Variants in CCDC88C observed in about 807,000 individuals in gnomAD.
The protein encoded by CCDC88C is protein Daple.
CCDC88C carries 131 observed loss-of-function variants against 198.8 expected under a neutral mutation model. The ratio of observed to expected loss-of-function variants is 0.66; its 90% CI spans 0.57 to 0.76. CCDC88C has a LOEUF of 0.76. Among genes scored for constraint, CCDC88C ranks in the 30% least tolerant of loss-of-function variants. The pLI is 0.00. For missense variants in CCDC88C, 2,553 were observed against 2,631.6 expected (o/e 0.97, Z 0.65); for synonymous variants, 1,166 against 1,114.7 (o/e 1.05, Z -0.92).
chr14:91,356,997 C>A (rs191971964), intron 4 of CCDC88C, among the ~76,000 whole-genome samples: 6 of 152,246 alleles, frequency 3.9e-5, no homozygotes, highest in Non-Finnish European at 8.8e-5. Context: ...CAACCATATG[C>A]CATTTTTATA....
Position 91,322,904 on chromosome 14 carries a change from CT to C in CCDC88C, c.1343-1601del, listed in dbSNP as rs35728972. 6.3e-3 allele frequency among the ~76,000 whole-genome samples: 807 copies of C among 127,506 alleles called. 6 individuals are homozygous for C. Among genetic ancestry groups the C allele is most frequent in the African/African-American group, 0.02 (697 of 34,382 alleles). The allele number at this position is 127,506 out of a possible 152,430, so 83.6% of individuals were successfully genotyped here. A position where few individuals can be genotyped will look rare whatever the true frequency, so the allele number is the denominator to read the frequency against. ...TTACTACTAAAACGCCAGTGTTTCT[CT>C]TTTTTTTTTTTTTTTTTTGAGACAG... On this transcript the variant is annotated intron_variant, in intron 12 of 29. Transcript: ENST00000389857.
rs1233403721 is a variant in CCDC88C, at chr14:91,371,582, C to T, written c.271-11871G>A. On this transcript the variant is annotated intron_variant, in intron 3 of 29. Transcript: ENST00000389857. The surrounding 1 kb of genome is among the most constrained non-coding windows in gnomAD (Gnocchi z 4.2). Reference sequence around the variant, plus strand: ...CACAGACTGGGACCAAGACTGCCTCCCACACCCTCCAGTCAGGGGTGGCTC... The same window carrying T: ...CACAGACTGGGACCAAGACTGCCTCTCACACCCTCCAGTCAGGGGTGGCTC... 6.6e-6 allele frequency among the ~76,000 whole-genome samples: 1 copy of T among 152,146 alleles called. No homozygotes were observed. The highest frequency in any genetic ancestry group is 1.5e-5 in the Non-Finnish European group (1 of 68,002).
intron 10 of CCDC88C, among the ~76,000 whole-genome samples, chr14:91,335,552 G>A (rs1466524229): frequency 6.6e-6 from 1 of 152,120 alleles, no homozygotes; most frequent in Admixed American, 6.5e-5. Context: ...GCCATGTTTG[G>A]GTGAGGCGCC....
At chr14:91,294,074 C>CA in intron 23 of CCDC88C, 99 bp downstream of exon 23, 1 of 1,414,514 alleles carries the variant, frequency 7.1e-7, no homozygotes, top group Middle Eastern at 2.3e-4. Flanking sequence ...CCAACGGGCC[C>CA]AGGGGCTCCT....
At chr14:91,292,234 C>T (rs1296937576) in intron 23 of CCDC88C, among the ~76,000 whole-genome samples, 1 of 152,198 alleles carries the variant, frequency 6.6e-6, no homozygotes, top group East Asian at 1.9e-4. Context: ...TGCTGCTGAG[C>T]CTTAAGCCTT....
intron 27 of CCDC88C, among the ~76,000 whole-genome samples, chr14:91,280,914 G>T (rs933506247): frequency 6.6e-6 from 1 of 152,104 alleles, no homozygotes; most frequent in Admixed American, 6.5e-5. Flanking sequence ...AAACTTCAAG[G>T]GGTCTTTTTA....
chr14:91,390,285 G>A (rs550521967), intron 3 of CCDC88C, among the ~76,000 whole-genome samples: 6 of 152,166 alleles, frequency 3.9e-5, no homozygotes, highest in East Asian at 3.9e-4. Context: ...ATTTAAGCAC[G>A]GCGTCTGGCA....
intron 20 of CCDC88C, among the ~76,000 whole-genome samples, chr14:91,301,479 G>A (rs750983119): frequency 6.6e-6 from 1 of 152,238 alleles, no homozygotes; most frequent in Non-Finnish European, 1.5e-5. Context: ...ATTTTGGGAG[G>A]CCGAGACAGG....
chr14:91,387,480 AG>A (rs1484230300), intron 3 of CCDC88C, among the ~76,000 whole-genome samples: 2 of 152,224 alleles, frequency 1.3e-5, no homozygotes, highest in East Asian at 1.9e-4. Flanking sequence ...GCTCCCAGGA[AG>A]GCAATGACAG....
intron 20 of CCDC88C, among the ~76,000 whole-genome samples, chr14:91,301,482 G>A (rs1363810740): frequency 7.9e-5 from 12 of 152,236 alleles, no homozygotes; most frequent in African/African-American, 1.4e-4. Flanking sequence ...TTGGGAGGCC[G>A]AGACAGGTGG....
chr14:91,305,236 C>G (rs1891509772), intron 19 of CCDC88C, among the ~76,000 whole-genome samples: 1 of 152,130 alleles, frequency 6.6e-6, no homozygotes, highest in African/African-American at 2.4e-5. Context: ...TAATTTATTT[C>G]CCCACAGTCT....
intron 4 of CCDC88C, among the ~76,000 whole-genome samples, chr14:91,349,808 G>A (rs1303452821): frequency 6.6e-6 from 1 of 152,186 alleles, no homozygotes; most frequent in African/African-American, 2.4e-5. Context: ...AAACAAAAGG[G>A]AAACTGCCTG....
chr14:91,298,701 G>A (rs1891135841), intron 21 of CCDC88C, among the ~76,000 whole-genome samples: 1 of 152,176 alleles, frequency 6.6e-6, no homozygotes, highest in Non-Finnish European at 1.5e-5. Flanking sequence ...CCTTTTAGAC[G>A]ATGTGCATTC....
intron 3 of CCDC88C, among the ~76,000 whole-genome samples, chr14:91,362,148 T>C (rs1894333983): frequency 6.6e-6 from 1 of 151,072 alleles, no homozygotes; most frequent in Non-Finnish European, 1.5e-5. Flanking sequence ...GCAGGAGAAT[T>C]GCTTGAACCC....
In CCDC88C at chr14:91,307,104, G is replaced by A. The variant is rs371072936; in HGVS notation, c.3129C>T (p.Pro1043=). 1.7e-5 allele frequency: 27 copies of A among 1,613,732 alleles called. No individual in the cohort carries two copies. The African/African-American group carries it at 2.1e-4, about 13-fold the overall frequency. The change falls in exon 18 of 30, where the codon CCC becomes CCT. Residue 1043 remains proline (P), a synonymous_variant. Transcript: ENST00000389857. ...GCTCCATGGTGGCTTCCTTATGGCC[G>A]GGCCCCCAGGCCTCCTTCCCCTGGT... ...ASHQGKEAWG[P]GHKEATMELL... is the part of the protein sequence containing the mutation.
Position 91,342,422 on chromosome 14 carries a change from C to T in CCDC88C, c.441G>A (p.Leu147=). 3 of 1,599,178 alleles carry T rather than the reference C, an allele frequency of 1.9e-6. No homozygotes were observed. The highest frequency in any genetic ancestry group is 2.6e-6 in the Non-Finnish European group (3 of 1,172,902). ...CGATGCCAGCCTGGGTCTCAATGTC[C>T]AGCTGTTTGATTCTTTCAATGAACT... ...KEEFIERIKQ[L]DIETQAGIVA... Residue 147 remains leucine, a synonymous_variant, in exon 6 of 30, where the codon CTG becomes CTA. Transcript: ENST00000389857.
intron 3 of CCDC88C, among the ~76,000 whole-genome samples, chr14:91,393,833 G>A (rs1411062727): frequency 6.6e-6 from 1 of 152,266 alleles, no homozygotes; most frequent in Non-Finnish European, 1.5e-5. Flanking sequence ...CAGCCTGGGC[G>A]ACAGAGCGAG....
intron 1 of CCDC88C, 127 bp from the exon 2 acceptor site, chr14:91,416,965 AC>A (rs34905461): frequency 1.4e-6 from 1 of 695,618 alleles, no homozygotes; most frequent in Non-Finnish European, 2.6e-6. Context: ...CGCCCACACC[AC>A]CCTTCAGCAG....
At chr14:91,321,493 C>T (rs945971987) in intron 12 of CCDC88C, among the ~76,000 whole-genome samples, 189 bp from the exon 13 acceptor site, 3 of 152,222 alleles carry the variant, frequency 2.0e-5, no homozygotes, top group African/African-American at 7.2e-5. Flanking sequence ...CCTCTGCAGG[C>T]TTTGCTGGGG....
Sources: gnomAD v4.1 joint callset for allele counts (sites outside exome capture counted in the v4.1 genomes callset) on GRCh38, gnomAD v4.1.1 for gene constraint, Gnocchi (gnomAD v3.1) non-coding constraint, MANE v1.5 for transcripts, NCBI Gene and HGNC (gene_info 2026-07-23, HGNC 2026-07-21) for gene names.